TERF2: variants seen among roughly 807,000 people sequenced by gnomAD.
TERF2 encodes the protein telomeric repeat binding factor 2, also known as telomeric repeat-binding factor 2.
In TERF2, 16 loss-of-function variants were observed where a neutral mutation model predicts 56.1. The ratio of observed to expected loss-of-function variants is 0.29; its 90% CI spans 0.19 to 0.43. TERF2 has a LOEUF of 0.43. Ranked by LOEUF, TERF2 falls within the 20% of genes least tolerant of loss-of-function variation. TERF2 has a pLI of 1.00. For synonymous variants in TERF2, 296 were observed against 282.1 expected, an observed-to-expected ratio of 1.05 and a Z score of -0.50; for missense variants, 547 against 712.9, an observed-to-expected ratio of 0.77 and a Z score of 2.65.
chr16:69,374,779 A>G (rs2013713118), intron 3 of TERF2, among the ~76,000 whole-genome samples: 1 of 151,476 alleles, frequency 6.6e-6, no homozygotes, highest in African/African-American at 2.4e-5. Flanking sequence ...CAGCCTGGTC[A>G]GCATGTGAAA....
chr16:69,368,738 G>A (rs2013448123), intron 5 of TERF2: 1 of 746,548 alleles, frequency 1.3e-6, no homozygotes, highest in Non-Finnish European at 2.0e-6. Context: ...GCACAGTGGT[G>A]CAATCTCGGC....
chr16:69,381,166 TGGGAAGCTATCA>T (rs954298410), intron 3 of TERF2, among the ~76,000 whole-genome samples: 2 of 152,198 alleles, frequency 1.3e-5, no homozygotes, highest in African/African-American at 2.4e-5. Context: ...GACTAAGTAT[TGGGAAGCTATCA>T]AGCACATGAA....
rs775609799 is a variant in TERF2 at position 69,366,954 on chromosome 16, C to A, written c.1193G>T (p.Arg398Leu). Residue 398 changes from arginine to leucine, a missense_variant, in exon 7 of 10, where the codon CGC becomes CTC. Coordinates refer to ENST00000254942, the MANE Select transcript of TERF2 (RefSeq NM_005652.5). ...GGSELQPKNK[R>L]MTISRLVLEE... ...CAAGACCAATCTGCTTATTGTCATG[C>A]GCTTGTTCTTGGGCTGCAGTTCCGA... 1.5e-5 allele frequency: 25 copies of A among 1,614,206 alleles called. No homozygotes were observed. Among genetic ancestry groups the A allele is most frequent in the African/African-American group, 2.7e-5 (2 of 75,050 alleles).
chr16:69,378,977 T>C (rs911367159), intron 3 of TERF2, among the ~76,000 whole-genome samples: 1 of 151,486 alleles, frequency 6.6e-6, no homozygotes, highest in South Asian at 2.1e-4. Context: ...AAAAGATGAA[T>C]CACTGCTTTT....
chr16:69,385,833 C>T lies in TERF2; in HGVS notation c.139G>A (p.Gly47Ser), dbSNP rs2014182695. 1.5e-6 allele frequency: 2 copies of T among 1,348,168 alleles called. No individual in the cohort carries two copies. Among genetic ancestry groups the T allele is most frequent in the African/African-American group, 3.0e-5 (2 of 66,030 alleles). 83.5% of individuals were successfully genotyped at this position (1,348,168 alleles called of 1,614,324 possible). The stretch of plus-strand genomic sequence containing the variant: ...CGCCCGCTGCCGTCGCTACTCCCGC[C>T]TCCTCCCGCCATCGTGTCCGATCGC... Reference protein sequence around the residue: ...ARRSDTMAGGGGSSDGSGRAA... With the variant: ...ARRSDTMAGGSGSSDGSGRAA... Residue 47 changes from glycine to serine, a missense_variant, in exon 1 of 10, where the codon GGC (glycine) becomes AGC (serine). By Grantham distance (56) the Gly-to-Ser change is moderately conservative. This residue lies in a region of TERF2 where 120 missense variants were observed against 172.4 expected (regional missense o/e 0.70). Coordinates refer to ENST00000254942, the MANE Select transcript of TERF2 (RefSeq NM_005652.5).
At chr16:69,380,728 C>T (rs1468790398) in intron 3 of TERF2, among the ~76,000 whole-genome samples, 3 of 150,770 alleles carry the variant, frequency 2.0e-5, no homozygotes, top group African/African-American at 7.3e-5. Flanking sequence ...GACTTCATAA[C>T]ATCATGCATT....
In TERF2 at chr16:69,385,592, C is replaced by T; in HGVS notation, c.379+1G>A. 6.2e-7 allele frequency: 1 copy of T among 1,610,378 alleles called. No homozygotes were observed. The highest frequency in any genetic ancestry group is 8.5e-7 in the Non-Finnish European group (1 of 1,178,682). On this transcript the variant is annotated splice_donor_variant, in intron 1 of 9. Coordinates refer to ENST00000254942, the MANE Select transcript of TERF2 (RefSeq NM_005652.5). LOFTEE classifies it high-confidence loss of function. ...CCCCCCTCCCCCGGCCCGGCCCTCA[C>T]CCTGCATGATGTCCCGGATCTGTCT...
intron 3 of TERF2, among the ~76,000 whole-genome samples, chr16:69,380,867 T>G (rs1300548264): frequency 6.7e-6 from 1 of 148,598 alleles, no homozygotes; most frequent in Admixed American, 6.7e-5. Context: ...AGTGGTGTGA[T>G]CTCGGCTCAC....
In TERF2 at chr16:69,355,935, A is replaced by G. The variant is rs2142692873; in HGVS notation, c.*963T>C. On this transcript the variant is annotated 3_prime_UTR_variant, in exon 10 of 10. Coordinates refer to ENST00000254942, the MANE Select transcript of TERF2 (RefSeq NM_005652.5). ...GGGGATCAGGGAACTAATCTTATCT[A>G]CAATCACCATTTTACCAAAAAACAC... is the stretch of plus-strand genomic sequence containing the variant. 1 of 188,654 alleles carries G rather than the reference A, an allele frequency of 5.3e-6. No individual in the cohort carries two copies. The highest frequency in any genetic ancestry group is 1.4e-3 in the Middle Eastern group (1 of 740). 11.7% of individuals were successfully genotyped at this position (188,654 alleles called of 1,614,324 possible). A position where few individuals can be genotyped will look rare whatever the true frequency, so the allele number is the denominator to read the frequency against.
intron 4 of TERF2, among the ~76,000 whole-genome samples, chr16:69,371,760 A>G (rs1035756260): frequency 2.6e-5 from 4 of 152,136 alleles, no homozygotes; most frequent in Non-Finnish European, 5.9e-5. Context: ...GGCTGCAGTG[A>G]ACTATGACTG....
chr16:69,359,527 CAAAA>C (rs71383990), intron 8 of TERF2, among the ~76,000 whole-genome samples: 1 of 103,532 alleles, frequency 9.7e-6, no homozygotes. Context: ...GACTCTGTCT[CAAAA>C]AAAAAAAAAA....
At chr16:69,360,389 AAAAAAAAG>A (rs913195401) in intron 8 of TERF2, among the ~76,000 whole-genome samples, 4 of 151,910 alleles carry the variant, frequency 2.6e-5, no homozygotes, top group Non-Finnish European at 5.9e-5. Flanking sequence ...CATCTCAAAA[AAAAAAAAG>A]AAAAAAAGAA....
At chr16:69,372,147 G>T in intron 4 of TERF2, 122 bp downstream of exon 4, 2 of 603,864 alleles carry the variant, frequency 3.3e-6, no homozygotes, top group Non-Finnish European at 5.8e-6. Flanking sequence ...CTTGCTGCAG[G>T]TGTTACATGT....
At chr16:69,366,767 C>A in intron 7 of TERF2, 40 bp downstream of exon 7, 1 of 1,566,102 alleles carries the variant, frequency 6.4e-7, no homozygotes, top group South Asian at 1.2e-5. Flanking sequence ...ACCAGGACCA[C>A]CAACCAGCCC....
At chr16:69,360,102 T>C (rs969841649) in intron 8 of TERF2, among the ~76,000 whole-genome samples, 3 of 151,514 alleles carry the variant, frequency 2.0e-5, no homozygotes. Flanking sequence ...AGAAGTACAA[T>C]TTGGGTCTGG....
At chr16:69,366,304 T>C (rs35124791) in intron 7 of TERF2, 3 of 153,004 alleles carry the variant, frequency 2.0e-5, no homozygotes, top group South Asian at 4.1e-4. Flanking sequence ...AGAATCACAA[T>C]GGGGAGCAAA....
rs761129705 is a variant in TERF2, at chr16:69,366,798, T to C, written c.1340+9A>G. The C allele has an allele frequency of 6.3e-7, 1 of 1,597,398 alleles. No individual in the cohort carries two copies. The highest frequency in any genetic ancestry group is 8.5e-7 in the Non-Finnish European group (1 of 1,171,314). ...AGCCCCAAAATTTCTACAAAGAAGG[T>C]CTTCATACTTGGGATTCTTCTCTCC... On this transcript the variant is annotated intron_variant, in intron 7 of 9. Transcript: ENST00000254942.
At chr16:69,361,824 C>T (rs1040291633) in intron 7 of TERF2, among the ~76,000 whole-genome samples, 1 of 151,524 alleles carries the variant, frequency 6.6e-6, no homozygotes, top group Non-Finnish European at 1.5e-5. Context: ...GATTTAGAAC[C>T]TGCAAACCCC....
chr16:69,359,163 G>A (rs1260217425), intron 8 of TERF2, among the ~76,000 whole-genome samples: 1 of 152,022 alleles, frequency 6.6e-6, no homozygotes, highest in East Asian at 1.9e-4. Context: ...TTGTTATGTG[G>A]CACATGACTA....
Sources: allele counts gnomAD v4.1 joint callset (sites outside exome capture counted in the v4.1 genomes callset), GRCh38; gene constraint gnomAD v4.1.1; regional missense constraint gnomAD v4.1.1; transcripts MANE v1.5; gene names NCBI Gene and HGNC (gene_info 2026-07-23, HGNC 2026-07-21).